Variants in ABL1 observed in about 807,000 individuals in gnomAD.
ABL1 encodes tyrosine-protein kinase ABL1.
ABL1 carries 11 observed loss-of-function variants against 94.7 expected under a neutral mutation model. The ratio of observed to expected loss-of-function variants is 0.12; its 90% CI spans 0.07 to 0.19. The LOEUF is 0.19. Ranked by LOEUF, ABL1 falls within the 10% of genes least tolerant of loss-of-function variation. The pLI is 1.00. For missense variants in ABL1, 1,082 were observed against 1,489.4 expected (o/e 0.73, Z 4.50); for synonymous variants, 656 against 622.4 (o/e 1.05, Z -0.80).
At chr9:130,797,150 C>T (rs911333750) in intron 1 of ABL1, among the ~76,000 whole-genome samples, 4 of 137,930 alleles carry the variant, frequency 2.9e-5, no homozygotes, top group African/African-American at 1.1e-4. Context: ...ACAGGAGAAT[C>T]GCTTGAACCC....
At chr9:130,802,756 G>T (rs1342460106) in intron 1 of ABL1, among the ~76,000 whole-genome samples, 1 of 152,204 alleles carries the variant, frequency 6.6e-6, no homozygotes, top group African/African-American at 2.4e-5. Flanking sequence ...TCTTTGTATG[G>T]TGGGTAGTTC....
In ABL1 at chr9:130,862,765, C is replaced by G. The variant is rs1831094507; in HGVS notation, c.552C>G (p.Leu184=). The stretch of plus-strand genomic sequence containing the variant: ...AGGCTGTTCCCTGTTTCCTTCAGCT[C>G]TACGTCTCCTCCGAGAGCCGCTTCA... The part of the protein sequence containing the change: ...YRINTASDGK[L]YVSSESRFNT... Residue 184 remains leucine, a splice_region_variant and synonymous_variant, in exon 4 of 11, where the codon CTC becomes CTG. Transcript: ENST00000318560. The surrounding 1 kb of genome is among the most constrained non-coding windows in gnomAD (Gnocchi z 5.5). 1 of 1,613,232 alleles carries G rather than the reference C, an allele frequency of 6.2e-7. No individual in the cohort carries two copies. The highest frequency in any genetic ancestry group is 1.7e-5 in the Admixed American group (1 of 59,970).
chr9:130,829,518 T>TCG (rs1830468102), intron 1 of ABL1, among the ~76,000 whole-genome samples: 1 of 141,004 alleles, frequency 7.1e-6, no homozygotes. Flanking sequence ...TGGGCGGAGA[T>TCG]CGCGCCACTG....
At chr9:130,846,579 A>G (rs914965936) in intron 1 of ABL1, among the ~76,000 whole-genome samples, 3 of 152,238 alleles carry the variant, frequency 2.0e-5, no homozygotes, top group Non-Finnish European at 2.9e-5. Flanking sequence ...CAGTGTGAAC[A>G]GTAATGAATG....
Position 130,872,140 on chromosome 9 carries a change from GGAGGTGGAA to G in ABL1, c.838_846del (p.Val280_Glu282del). On this transcript the variant is annotated inframe_deletion, in exon 5 of 11. Coordinates refer to ENST00000318560, the MANE Select transcript of ABL1 (RefSeq NM_005157.6). This position sits in a 1 kb window ranked among gnomAD's most constrained non-coding sequence, Gnocchi z 5.0. ...TTTTCCTTCTGCAGGAGGACACCAT[GGAGGTGGAA>G]GAGTTCTTGAAAGAAGCTGCAGTCA... The G allele has an allele frequency of 6.2e-7, 1 of 1,614,132 alleles. No individual in the cohort carries two copies. The highest frequency in any genetic ancestry group is 8.5e-7 in the Non-Finnish European group (1 of 1,179,964).
intron 1 of ABL1, among the ~76,000 whole-genome samples, chr9:130,729,825 T>A (rs1281498808): frequency 1.3e-5 from 2 of 151,574 alleles, no homozygotes; most frequent in Non-Finnish European, 2.9e-5. Context: ...AACCTCCACC[T>A]CCTGGGTTCA....
intron 1 of ABL1, among the ~76,000 whole-genome samples, chr9:130,718,542 A>G (rs1831475405): frequency 6.6e-6 from 1 of 152,140 alleles, no homozygotes; most frequent in Middle Eastern, 3.2e-3. Flanking sequence ...TAAGCCTCTT[A>G]GGGGCCTTCG....
intron 1 of ABL1, among the ~76,000 whole-genome samples, chr9:130,753,209 A>G (rs897200295): frequency 1.3e-5 from 2 of 151,904 alleles, no homozygotes; most frequent in Admixed American, 1.3e-4. Flanking sequence ...GTGAGCCAAG[A>G]TCGCGCCACT....
At chr9:130,801,604 G>A (rs1830055380) in intron 1 of ABL1, among the ~76,000 whole-genome samples, 1 of 152,188 alleles carries the variant, frequency 6.6e-6, no homozygotes, top group Non-Finnish European at 1.5e-5. Context: ...TATTTTCTCT[G>A]GGTATAGAAT....
chr9:130,813,350 A>G (rs1275830980), intron 1 of ABL1, among the ~76,000 whole-genome samples: 1 of 152,042 alleles, frequency 6.6e-6, no homozygotes, highest in African/African-American at 2.4e-5. Flanking sequence ...TCACGAGGTC[A>G]GGAGATCAAG....
chr9:130,836,661 T>C (rs1172697217), intron 1 of ABL1, among the ~76,000 whole-genome samples: 1 of 151,934 alleles, frequency 6.6e-6, no homozygotes, highest in African/African-American at 2.4e-5. Flanking sequence ...CTATTTCTAC[T>C]AAAAATACAA....
chr9:130,796,166 C>A (rs1410705299), intron 1 of ABL1, among the ~76,000 whole-genome samples: 1 of 151,704 alleles, frequency 6.6e-6, no homozygotes, highest in Non-Finnish European at 1.5e-5. Context: ...GAGTGAGACT[C>A]CGTCTCAAAA....
chr9:130,885,922 G>A lies in ABL1; in HGVS notation c.*239G>A, dbSNP rs1057352881. ...TCTCTGTCCTCGAATTTTATCTGTGGAGTTCCTGCTCCGTGGACTGCAGTC... is the reference window on the plus strand; with the variant it reads ...TCTCTGTCCTCGAATTTTATCTGTGAAGTTCCTGCTCCGTGGACTGCAGTC... On this transcript the variant is annotated 3_prime_UTR_variant, in exon 11 of 11. Coordinates refer to ENST00000318560, the MANE Select transcript of ABL1 (RefSeq NM_005157.6). 6 of 554,578 alleles carry A rather than the reference G, an allele frequency of 1.1e-5. No homozygotes were observed. The South Asian group carries it at 1.4e-4, about 13-fold the overall frequency. The allele number at this position is 554,578 out of a possible 1,614,324, so 34.4% of individuals were successfully genotyped here.
intron 1 of ABL1, among the ~76,000 whole-genome samples, chr9:130,851,767 T>C (rs1384563374): frequency 1.5e-5 from 1 of 68,628 alleles, no homozygotes; most frequent in Admixed American, 1.3e-4. Flanking sequence ...TCTCTTTTTC[T>C]TTTTTTTTTT....
intron 1 of ABL1, among the ~76,000 whole-genome samples, chr9:130,792,925 G>A (rs1008504595): frequency 6.6e-6 from 1 of 152,088 alleles, no homozygotes; most frequent in African/African-American, 2.4e-5. Flanking sequence ...CTACCAAAGG[G>A]TAATACTTTT....
At chr9:130,726,626 C>T (rs1831589928) in intron 1 of ABL1, among the ~76,000 whole-genome samples, 1 of 152,006 alleles carries the variant, frequency 6.6e-6, no homozygotes, top group African/African-American at 2.4e-5. Flanking sequence ...TCTTTATTTT[C>T]TTTCTTTTAC....
At chr9:130,871,629 G>A (rs1195920156) in intron 4 of ABL1, among the ~76,000 whole-genome samples, 1 of 152,202 alleles carries the variant, frequency 6.6e-6, no homozygotes, top group African/African-American at 2.4e-5. Flanking sequence ...TTGAGACATC[G>A]TTCTTCTTTG....
chr9:130,815,409 G>A (rs34189571), intron 1 of ABL1, among the ~76,000 whole-genome samples: 3,230 of 152,228 alleles, frequency 0.021, 32 homozygotes, highest in African/African-American at 0.024. Context: ...CCTTTGTTCA[G>A]TTAAACCCAG....
chr9:130,846,589 G>A (rs1366334920), intron 1 of ABL1, among the ~76,000 whole-genome samples: 2 of 152,202 alleles, frequency 1.3e-5, no homozygotes, highest in Admixed American at 6.5e-5. Context: ...AGTAATGAAT[G>A]CTCCATAGCT....
Sources: allele counts gnomAD v4.1 joint callset (sites outside exome capture counted in the v4.1 genomes callset), GRCh38; gene constraint gnomAD v4.1.1; non-coding constraint Gnocchi (gnomAD v3.1); transcripts MANE v1.5; gene names NCBI Gene and HGNC (gene_info 2026-07-23, HGNC 2026-07-21).